Variants in KIF4A observed in about 807,000 individuals in gnomAD.
The protein encoded by KIF4A is kinesin family member 4A, also known as chromosome-associated kinesin KIF4A.
In KIF4A, 7 loss-of-function variants were observed where a neutral mutation model predicts 105.9. The ratio of observed to expected loss-of-function variants is 0.07; its 90% CI spans 0.04 to 0.12. KIF4A has a LOEUF of 0.12. KIF4A is among the 10% of genes least tolerant of loss of function. KIF4A has a pLI of 1.00. For synonymous variants in KIF4A, 281 were observed against 331.3 expected (o/e 0.85, Z 1.65); for missense variants, 558 against 929.2 (o/e 0.60, Z 5.19).
At chrX:70,309,828 G>A (rs2085841679) in intron 7 of KIF4A, among the ~76,000 whole-genome samples, 1 of 112,416 alleles carries the variant, frequency 8.9e-6, no homozygotes, top group Non-Finnish European at 1.9e-5. Context: ...CAGATCACTT[G>A]AGGCCAGGAG....
intron 15 of KIF4A, among the ~76,000 whole-genome samples, chrX:70,356,913 T>A (rs1340752370): frequency 8.9e-6 from 1 of 112,406 alleles, no homozygotes; most frequent in Admixed American, 9.5e-5. Context: ...TGTTTAAAAT[T>A]GAGCCATATA....
chrX:70,389,738 A>G (rs372415844), intron 20 of KIF4A, among the ~76,000 whole-genome samples: 10 of 112,544 alleles, frequency 8.9e-5, no homozygotes, highest in African/African-American at 2.3e-4. Flanking sequence ...TCATTGATCT[A>G]TATGTCTATT....
chrX:70,395,079 G>A (rs1490534778), intron 20 of KIF4A, among the ~76,000 whole-genome samples: 2 of 110,733 alleles, frequency 1.8e-5, no homozygotes, highest in Non-Finnish European at 3.8e-5. Flanking sequence ...AACCCCATCT[G>A]TACTAAAAAT....
At chrX:70,368,055 C>T (rs1488415686) in intron 15 of KIF4A, among the ~76,000 whole-genome samples, 1 of 112,017 alleles carries the variant, frequency 8.9e-6, no homozygotes, top group Non-Finnish European at 1.9e-5. Context: ...GCTACTGAGG[C>T]TTGTGCATTC....
At chrX:70,347,843 C>T (rs1347882054) in intron 13 of KIF4A, among the ~76,000 whole-genome samples, 3 of 96,443 alleles carry the variant, frequency 3.1e-5, no homozygotes, top group East Asian at 3.3e-4. Flanking sequence ...GGCGTGGTAG[C>T]GGGCGCCTGT....
intron 1 of KIF4A, 110 bp from the exon 2 acceptor site, chrX:70,290,328 T>C: frequency 1.1e-6 from 1 of 938,095 alleles, no homozygotes; most frequent in South Asian, 2.4e-5. Flanking sequence ...GGAGCGTGAA[T>C]CTCCCAAGTC....
At chrX:70,349,702 G>T (rs1297621002) in intron 13 of KIF4A, among the ~76,000 whole-genome samples, 1 of 77,487 alleles carries the variant, frequency 1.3e-5, no homozygotes, top group Non-Finnish European at 2.4e-5. Flanking sequence ...GGTGGCGGCC[G>T]GGCAGAGACG....
At chrX:70,404,863 C>G in intron 25 of KIF4A, 41 bp downstream of exon 25, 1 of 880,020 alleles carries the variant, frequency 1.1e-6, no homozygotes. Context: ...TTTCACAGTA[C>G]TAACTGAGAA....
At chrX:70,330,083 G>T in intron 8 of KIF4A, 74 bp from the exon 9 acceptor site, 4 of 930,271 alleles carry the variant, frequency 4.3e-6, no homozygotes, top group Non-Finnish European at 5.8e-6. Context: ...TCACCAACCC[G>T]AATGGACGGC....
At chrX:70,364,850 A>G (rs1215297681) in intron 15 of KIF4A, among the ~76,000 whole-genome samples, 2 of 111,530 alleles carry the variant, frequency 1.8e-5, no homozygotes, top group African/African-American at 3.3e-5. Context: ...CCATTTTCAC[A>G]ATATTGATTC....
At chrX:70,375,378 C>T (rs746143106) in intron 17 of KIF4A, 30 bp downstream of exon 17, 1 of 1,187,294 alleles carries the variant, frequency 8.4e-7, no homozygotes, top group Non-Finnish European at 1.1e-6. Context: ...GCATTTACCC[C>T]CATTGGAATT....
intron 15 of KIF4A, among the ~76,000 whole-genome samples, chrX:70,373,534 A>ATATG (rs1277498101): frequency 5.8e-5 from 2 of 34,574 alleles, no homozygotes; most frequent in Non-Finnish European, 8.2e-5. Flanking sequence ...GTATATATAT[A>ATATG]TATATATATA....
At chrX:70,397,515 C>T (rs2086264778) in intron 22 of KIF4A, among the ~76,000 whole-genome samples, 1 of 112,081 alleles carries the variant, frequency 8.9e-6, no homozygotes, top group African/African-American at 3.2e-5. Context: ...TTCCCTGTGC[C>T]GTGGTCACTC....
At chrX:70,313,277 C>T (rs1176652165) in intron 7 of KIF4A, among the ~76,000 whole-genome samples, 1 of 112,072 alleles carries the variant, frequency 8.9e-6, no homozygotes, top group East Asian at 2.8e-4. Context: ...CACCTACTTT[C>T]TCTTTGTTAG....
chrX:70,313,507 A>G (rs2085858134), intron 7 of KIF4A, among the ~76,000 whole-genome samples: 2 of 111,645 alleles, frequency 1.8e-5, no homozygotes, highest in Non-Finnish European at 3.8e-5. Flanking sequence ...ATCACTGACT[A>G]TTAGTCTATG....
intron 15 of KIF4A, among the ~76,000 whole-genome samples, chrX:70,372,774 A>C (rs1249699149): frequency 8.8e-6 from 1 of 113,043 alleles, no homozygotes; most frequent in Non-Finnish European, 1.9e-5. Context: ...TTCTGAATAT[A>C]AGAATATTTG....
rs2085786030 is a variant in KIF4A, at chrX:70,297,022, A to G, written c.260A>G (p.Tyr87Cys). The stretch of plus-strand genomic sequence containing the variant: ...GGATATAATGCAACGGTCCTGGCCT[A>G]TGGGCAGACTGGCTCTGGAAAAACC... ...FKGYNATVLA[Y>C]GQTGSGKTYS... The change falls in exon 4 of 31, where the codon TAT becomes TGT. Residue 87 changes from tyrosine to cysteine, a missense_variant. Physicochemically the swap from Tyr to Cys is radical, Grantham distance 194. Around this residue, in one of 2 missense-constraint regions of KIF4A, gnomAD observed 89 missense variants for 248.8 expected, o/e 0.36. Coordinates refer to ENST00000374403, the MANE Select transcript of KIF4A (RefSeq NM_012310.5). 1 of 1,211,932 alleles carries G rather than the reference A, an allele frequency of 8.3e-7. No individual in the cohort carries two copies. The highest frequency in any genetic ancestry group is 1.1e-6 in the Non-Finnish European group (1 of 895,515).
At chrX:70,365,732 T>C (rs939209546) in intron 15 of KIF4A, among the ~76,000 whole-genome samples, 1 of 111,653 alleles carries the variant, frequency 9.0e-6, no homozygotes, top group Non-Finnish European at 1.9e-5. Flanking sequence ...TGTCAGGCTT[T>C]GGTATCAGGA....
At position 70,386,598 on chromosome X, in the gene KIF4A, T is replaced by C. The variant is rs1394436403; in HGVS notation, c.2035-20T>C. ...TTAGCTAGCTGAACAGCAATTAATATCTGACTTTTTTCTTGTCAGGACCGT... is the reference window on the plus strand; with the variant it reads ...TTAGCTAGCTGAACAGCAATTAATACCTGACTTTTTTCTTGTCAGGACCGT... On this transcript the variant is annotated intron_variant, in intron 18 of 30. Coordinates refer to ENST00000374403, the MANE Select transcript of KIF4A (RefSeq NM_012310.5). The C allele has an allele frequency of 3.5e-6, 4 of 1,155,110 alleles. No individual in the cohort carries two copies. Among genetic ancestry groups the C allele is most frequent in the Non-Finnish European group, 4.7e-6 (4 of 844,339 alleles).
Sources: allele counts gnomAD v4.1 joint callset (sites outside exome capture counted in the v4.1 genomes callset), GRCh38; gene constraint gnomAD v4.1.1; regional missense constraint gnomAD v4.1.1; transcripts MANE v1.5; gene names NCBI Gene and HGNC (gene_info 2026-07-23, HGNC 2026-07-21).